The following KREMEN2 variants were observed in gnomAD, a reference collection of about 807,000 sequenced individuals.
The protein encoded by KREMEN2 is kringle containing transmembrane protein 2.
A neutral mutation model predicts 49.8 loss-of-function variants in KREMEN2; 43 were observed. The ratio of observed to expected loss-of-function variants is 0.86; its 90% CI spans 0.68 to 1.11. KREMEN2 has a LOEUF of 1.11. Ranked by LOEUF, KREMEN2 falls within the 50% of genes most tolerant of loss-of-function variation. The pLI is 0.00. For synonymous variants in KREMEN2, 355 were observed against 304.9 expected (o/e 1.16, Z -1.71); for missense variants, 686 against 665.7 (o/e 1.03, Z -0.34).
intron 8 of KREMEN2, 33 bp from the exon 9 acceptor site, chr16:2,967,777 G>C: frequency 1.3e-6 from 2 of 1,547,964 alleles, no homozygotes; most frequent in South Asian, 1.2e-5. Context: ...AGCGGGATTG[G>C]ACCGGCTCGG....
rs1180012943 is a variant in KREMEN2, at chr16:2,966,989, G to A, written c.720G>A (p.Gly240=). Residue 240 remains glycine, a synonymous_variant, in exon 6 of 9, where the codon GGG becomes GGA. Transcript: ENST00000303746. This position sits in a 1 kb window ranked among gnomAD's most constrained non-coding sequence, Gnocchi z 8.4. ...IYSPDFPDEY[G]PDRNCSWALG... ...CCCCGGACTTCCCGGACGAGTACGG[G>A]CCGGACCGGAACTGCAGCTGGGCCC... 2 of 1,554,600 alleles carry A rather than the reference G, an allele frequency of 1.3e-6. No individual in the cohort carries two copies. The highest frequency in any genetic ancestry group is 2.4e-5 in the East Asian group (1 of 42,054).
At position 2,968,033 on chromosome 16, in the gene KREMEN2, A is replaced by G; in HGVS notation, c.*13A>G. The G allele has an allele frequency of 1.3e-6, 2 of 1,541,070 alleles. No homozygotes were observed. Among genetic ancestry groups the G allele is most frequent in the South Asian group, 2.4e-5 (2 of 84,458 alleles). Reference sequence around the variant, plus strand: ...CTCCGCTCTCTGACTCTGGGCCCCGAGGGTCCGCTGGGCCCGCCGCCGGCG... The same window carrying G: ...CTCCGCTCTCTGACTCTGGGCCCCGGGGGTCCGCTGGGCCCGCCGCCGGCG... On this transcript the variant is annotated 3_prime_UTR_variant, in exon 9 of 9. Transcript: ENST00000303746.
chr16:2,966,596 C>A lies in KREMEN2; in HGVS notation c.487-46C>A. 6.3e-7 allele frequency: 1 copy of A among 1,586,276 alleles called. No individual in the cohort carries two copies. Among genetic ancestry groups the A allele is most frequent in the Non-Finnish European group, 8.5e-7 (1 of 1,170,592 alleles). On this transcript the variant is annotated intron_variant, in intron 4 of 8. Transcript: ENST00000303746. This position sits in a 1 kb window ranked among gnomAD's most constrained non-coding sequence, Gnocchi z 8.4. ...CGACCCCAGGCCCCCACCACTTCAC[C>A]CCTACCCCAGCCCCTGCCCTGGGGT... is the stretch of plus-strand genomic sequence containing the variant.
Position 2,964,281 on chromosome 16 carries a change from C to T in KREMEN2, c.-240C>T. ...ACTGAGAACGCCCCCGGCCAGATTC[C>T]CCCCGGAGAGACCCGGGTAGGGACA... On this transcript the variant is annotated 5_prime_UTR_variant, in exon 1 of 9. Transcript: ENST00000303746. The T allele has an allele frequency of 2.5e-6, 1 of 395,944 alleles. No individual in the cohort carries two copies. 24.5% of individuals were successfully genotyped at this position (395,944 alleles called of 1,614,324 possible). A position where few individuals can be genotyped will look rare whatever the true frequency, so the allele number is the denominator to read the frequency against.
At chr16:2,965,135 C>A in intron 2 of KREMEN2, 102 bp downstream of exon 2, 1 of 621,184 alleles carries the variant, frequency 1.6e-6, no homozygotes, top group Non-Finnish European at 2.1e-6. Context: ...CTGCCGTGGA[C>A]TGGCAGCCCA....
rs1306647921 is a variant in KREMEN2, at chr16:2,964,325, T to C, written c.-196T>C. On this transcript the variant is annotated 5_prime_UTR_variant, in exon 1 of 9. Transcript: ENST00000303746. Reference sequence around the variant, plus strand: ...AGGGACAGGGACAGAGAGACGCCTCTAGGGGCAGAGGCCCTGGGAGGCAAA... The same window carrying C: ...AGGGACAGGGACAGAGAGACGCCTCCAGGGGCAGAGGCCCTGGGAGGCAAA... The C allele has an allele frequency of 4.1e-6, 2 of 482,412 alleles. No homozygotes were observed. The highest frequency in any genetic ancestry group is 3.5e-5 in the East Asian group (1 of 28,788). The allele number at this position is 482,412 out of a possible 1,614,324, so 29.9% of individuals were successfully genotyped here.
Position 2,964,909 on chromosome 16 carries a change from A to T in KREMEN2, c.145A>T (p.Asn49Tyr). 8 of 1,609,448 alleles carry T rather than the reference A, an allele frequency of 5.0e-6. No homozygotes were observed. The South Asian group carries it at 8.8e-5, about 18-fold the overall frequency. The part of the protein sequence containing the change: ...VNGADYRGHQ[N>Y]RTGPRGAGRP... ...TGGGGCTGACTACCGCGGCCACCAG[A>T]ACCGCACTGGCCCGCGCGGGGCGGG... The change falls in exon 2 of 9, where the codon AAC becomes TAC. Residue 49 changes from asparagine (N) to tyrosine (Y), a missense_variant. Coordinates refer to ENST00000303746, the MANE Select transcript of KREMEN2 (RefSeq NM_172229.3).
At position 2,967,322 on chromosome 16, in the gene KREMEN2, C is replaced by T; in HGVS notation, c.976C>T (p.Leu326=). 3.6e-6 allele frequency: 5 copies of T among 1,397,864 alleles called. No individual in the cohort carries two copies. The South Asian group carries it at 8.0e-5, about 22-fold the overall frequency. 86.6% of individuals were successfully genotyped at this position (1,397,864 alleles called of 1,614,324 possible). Reference sequence around the variant, plus strand: ...CCGCCTCACGCCCCTCTCCGCAGGGCTGCAGGACGCCGCTGAGGACCCAGA... The same window carrying T: ...CCGCCTCACGCCCCTCTCCGCAGGGTTGCAGGACGCCGCTGAGGACCCAGA... The part of the protein sequence containing the change: ...AQGFALTYRG[L]QDAAEDPEAP... The change falls in exon 7 of 9, where the codon CTG becomes TTG. Residue 326 remains leucine, a splice_region_variant and synonymous_variant. Coordinates refer to ENST00000303746, the MANE Select transcript of KREMEN2 (RefSeq NM_172229.3).
At position 2,966,126 on chromosome 16, in the gene KREMEN2, C is replaced by T. The variant is rs1458063163; in HGVS notation, c.270-14C>T. The stretch of plus-strand genomic sequence containing the variant: ...GGGGTGGTGGGAGCCCCACCACCTC[C>T]CTCCCACCCGCAGTAACCCAGACGG... On this transcript the variant is annotated splice_polypyrimidine_tract_variant and intron_variant, in intron 2 of 8. Transcript: ENST00000303746. The surrounding 1 kb of genome is among the most constrained non-coding windows in gnomAD (Gnocchi z 8.4). 3.1e-6 allele frequency: 5 copies of T among 1,610,088 alleles called. No homozygotes were observed. The highest frequency in any genetic ancestry group is 4.5e-5 in the East Asian group (2 of 44,856).
At position 2,964,482 on chromosome 16, in the gene KREMEN2, C is replaced by A. The variant is rs2071777708; in HGVS notation, c.-39C>A. On this transcript the variant is annotated 5_prime_UTR_variant, in exon 1 of 9. Coordinates refer to ENST00000303746, the MANE Select transcript of KREMEN2 (RefSeq NM_172229.3). ...AAGCGACCCCGGGGGCAGCCCGGGCCGTGTCCGGGCGAGGGTGACCTATCC... is the reference window on the plus strand; with the variant it reads ...AAGCGACCCCGGGGGCAGCCCGGGCAGTGTCCGGGCGAGGGTGACCTATCC... The A allele has an allele frequency of 1.4e-6, 2 of 1,459,598 alleles. No homozygotes were observed. Among genetic ancestry groups the A allele is most frequent in the Non-Finnish European group, 1.8e-6 (2 of 1,082,352 alleles). 90.4% of individuals were successfully genotyped at this position (1,459,598 alleles called of 1,614,324 possible).
chr16:2,966,571 C>T lies in KREMEN2; in HGVS notation c.487-71C>T, dbSNP rs2071823686. ...TGAACCTCCAGCCCGATTCCCACCC[C>T]GACCCCAGGCCCCCACCACTTCACC... is the stretch of plus-strand genomic sequence containing the variant. On this transcript the variant is annotated intron_variant, in intron 4 of 8. Transcript: ENST00000303746. The surrounding 1 kb of genome is among the most constrained non-coding windows in gnomAD (Gnocchi z 8.4). The T allele has an allele frequency of 2.6e-6, 4 of 1,557,120 alleles. No individual in the cohort carries two copies. In the African/African-American group the frequency reaches 4.0e-5, roughly 16 times the overall value.
At chr16:2,964,694 A>G (rs1313680552) in intron 1 of KREMEN2, 80 bp downstream of exon 1, 1 of 1,402,634 alleles carries the variant, frequency 7.1e-7, no homozygotes. Flanking sequence ...CCCCAAGGCT[A>G]GGGAGGGGGA....
Position 2,967,242 on chromosome 16 carries a change from G to A in KREMEN2, c.973G>A (p.Gly325Arg). Residue 325 changes from glycine (G) to arginine (R), a missense_variant and splice_region_variant, in exon 6 of 9, where the codon GGG becomes AGG. Transcript: ENST00000303746. ...GCAAGGCTTCGCGCTCACCTACCGC[G>A]GTGAGCCTCAGCTCGGCGCGCCCTG... ...HAQGFALTYR[G>R]LQDAAEDPEA... 4 of 1,351,826 alleles carry A rather than the reference G, an allele frequency of 3.0e-6. No individual in the cohort carries two copies. Among genetic ancestry groups the A allele is most frequent in the Non-Finnish European group, 3.8e-6 (4 of 1,060,384 alleles). 83.7% of individuals were successfully genotyped at this position (1,351,826 alleles called of 1,614,324 possible).
intron 6 of KREMEN2, 35 bp downstream of exon 6, chr16:2,967,277 C>A: frequency 7.4e-7 from 1 of 1,344,508 alleles, no homozygotes; most frequent in South Asian, 1.8e-5. Flanking sequence ...GCCCGCTGTT[C>A]CCACCCCGCT....
In KREMEN2 at chr16:2,967,362, C is replaced by T. The variant is rs1479468375; in HGVS notation, c.1016C>T (p.Ser339Leu). The change falls in exon 7 of 9, where the codon TCG becomes TTG. Residue 339 changes from serine (S) to leucine (L), a missense_variant. Physicochemically the swap from Ser to Leu is moderately radical, Grantham distance 145. Transcript: ENST00000303746. ...GAGGACCCAGAGGCCCCCGAGGGCT[C>T]GGCCCAGACCCCCGCGGCGCCCCTC... ...AAEDPEAPEG[S>L]AQTPAAPLDG... The T allele has an allele frequency of 2.9e-6, 4 of 1,397,012 alleles. No homozygotes were observed. Among genetic ancestry groups the T allele is most frequent in the Non-Finnish European group, 2.8e-6 (3 of 1,086,392 alleles). The allele number at this position is 1,397,012 out of a possible 1,614,324, so 86.5% of individuals were successfully genotyped here. A position where few individuals can be genotyped will look rare whatever the true frequency, so the allele number is the denominator to read the frequency against.
Position 2,964,943 on chromosome 16 carries a change from G to T in KREMEN2, c.179G>T (p.Cys60Phe). Residue 60 changes from cysteine to phenylalanine, a missense_variant, in exon 2 of 9, where the codon TGC becomes TTC. Cys to Phe is a radical substitution (Grantham distance 205). Transcript: ENST00000303746. The part of the protein sequence containing the change: ...RTGPRGAGRP[C>F]LFWDQTQQHS... Reference sequence around the variant, plus strand: ...GGCCCGCGCGGGGCGGGCCGCCCGTGCCTCTTCTGGGACCAGACGCAGCAA... The same window carrying T: ...GGCCCGCGCGGGGCGGGCCGCCCGTTCCTCTTCTGGGACCAGACGCAGCAA... 6.3e-7 allele frequency: 1 copy of T among 1,594,778 alleles called. No individual in the cohort carries two copies. The highest frequency in any genetic ancestry group is 1.8e-5 in the Admixed American group (1 of 57,100).
At position 2,964,544 on chromosome 16, in the gene KREMEN2, C is replaced by A; in HGVS notation, c.24C>A (p.Gly8=). The A allele has an allele frequency of 6.2e-7, 1 of 1,605,364 alleles. No homozygotes were observed. The highest frequency in any genetic ancestry group is 8.5e-7 in the Non-Finnish European group (1 of 1,176,136). Residue 8 remains glycine (G), a synonymous_variant, in exon 1 of 9, where the codon GGC becomes GGA. Coordinates refer to ENST00000303746, the MANE Select transcript of KREMEN2 (RefSeq NM_172229.3). ...CGATGGGGACACAAGCCCTGCAGGG[C>A]TTCCTCTTTCTCCTCTTCCTCCCGC... MGTQALQ[G]FLFLLFLPLL...
Position 2,968,117 on chromosome 16 carries a change from C to A in KREMEN2, c.*97C>A. ...CCTCGGCCTTGCGCCTGTGTAGGGG[C>A]AGCTCGGCCTCTGGTCGCCTTGGGG... is the stretch of plus-strand genomic sequence containing the variant. On this transcript the variant is annotated 3_prime_UTR_variant, in exon 9 of 9. Coordinates refer to ENST00000303746, the MANE Select transcript of KREMEN2 (RefSeq NM_172229.3). 7.7e-7 allele frequency: 1 copy of A among 1,291,432 alleles called. No homozygotes were observed. Among genetic ancestry groups the A allele is most frequent in the Non-Finnish European group, 1.1e-6 (1 of 927,004 alleles). The allele number at this position is 1,291,432 out of a possible 1,614,324, so 80.0% of individuals were successfully genotyped here.
Position 2,966,620 on chromosome 16 carries a change from G to A in KREMEN2, c.487-22G>A, listed in dbSNP as rs1465063805. The A allele has an allele frequency of 1.2e-6, 2 of 1,605,842 alleles. No individual in the cohort carries two copies. The highest frequency in any genetic ancestry group is 3.3e-5 in the Admixed American group (2 of 59,738). On this transcript the variant is annotated intron_variant, in intron 4 of 8. Coordinates refer to ENST00000303746, the MANE Select transcript of KREMEN2 (RefSeq NM_172229.3). The surrounding 1 kb of genome is among the most constrained non-coding windows in gnomAD (Gnocchi z 8.4). Reference sequence around the variant, plus strand: ...CCCCTACCCCAGCCCCTGCCCTGGGGTCACCCAGTCTGTGCTCCCAGCTGG... The same window carrying A: ...CCCCTACCCCAGCCCCTGCCCTGGGATCACCCAGTCTGTGCTCCCAGCTGG...
Sources: gnomAD v4.1 joint callset for allele counts on GRCh38, gnomAD v4.1.1 for gene constraint, Gnocchi (gnomAD v3.1) non-coding constraint, MANE v1.5 for transcripts, NCBI Gene and HGNC (gene_info 2026-07-23, HGNC 2026-07-21) for gene names.